Variants in SHOC2 observed in about 807,000 individuals in gnomAD.
The protein encoded by SHOC2 is SHOC2 leucine rich repeat scaffold protein.
Under a neutral mutation model 50.2 loss-of-function variants are expected in SHOC2, and 4 were observed. The ratio of observed to expected loss-of-function variants is 0.08; its 90% CI spans 0.04 to 0.18. The LOEUF (loss-of-function observed/expected upper bound fraction) is 0.18. Ranked by LOEUF, SHOC2 falls within the 10% of genes least tolerant of loss-of-function variation. SHOC2 has a pLI of 1.00. For missense variants in SHOC2, 388 were observed against 669.6 expected, an observed-to-expected ratio of 0.58 and a Z score of 4.64; for synonymous variants, 218 against 244.5, an observed-to-expected ratio of 0.89 and a Z score of 1.01.
rs1848600141 is a variant in SHOC2, at chr10:111,013,205, TGAG to T, written c.*1391_*1393del. ...TGTTGGTCTAAGTCAATTTGATTAT[TGAG>T]GAGTCTCAGAGCAAGGTGCGTTCTA... On this transcript the variant is annotated 3_prime_UTR_variant, in exon 9 of 9. Transcript: ENST00000369452. 1 of 152,216 alleles carries T rather than the reference TGAG, an allele frequency of 6.6e-6. No individual in the cohort carries two copies. Among genetic ancestry groups the T allele is most frequent in the African/African-American group, 2.4e-5 (1 of 41,472 alleles). The allele number at this position is 152,216 out of a possible 1,614,324, so 9.4% of individuals were successfully genotyped here. A position where few individuals can be genotyped will look rare whatever the true frequency, so the allele number is the denominator to read the frequency against.
rs1847916047 is a variant in SHOC2, at chr10:110,978,510, C to T, written c.704-7118C>T. Among the ~76,000 whole-genome samples, 2 of 152,188 alleles carry T rather than the reference C, an allele frequency of 1.3e-5. 1 individual carries two copies. Among genetic ancestry groups the T allele is most frequent in the South Asian group, 4.1e-4 (2 of 4,828 alleles). ...TTAGTTTTGAGATGTGATCTTTACT[C>T]TCCTATGTTATAGCCCTTTTGGAAT... On this transcript the variant is annotated intron_variant, in intron 2 of 8. Coordinates refer to ENST00000369452, the MANE Select transcript of SHOC2 (RefSeq NM_007373.4).
chr10:110,973,154 A>T (rs1847814132), intron 2 of SHOC2, among the ~76,000 whole-genome samples: 1 of 152,340 alleles, frequency 6.6e-6, no homozygotes, highest in South Asian at 2.1e-4. Flanking sequence ...AACTTGTGGG[A>T]CAAGTGTTTC....
chr10:111,006,848 TGA>T (rs1848478229), intron 5 of SHOC2, among the ~76,000 whole-genome samples: 1 of 152,262 alleles, frequency 6.6e-6, no homozygotes, highest in Non-Finnish European at 1.5e-5. Context: ...TTGTTATTGA[TGA>T]AAGTATACTT....
chr10:110,931,674 T>C (rs551709205), intron 1 of SHOC2, among the ~76,000 whole-genome samples: 6 of 152,306 alleles, frequency 3.9e-5, no homozygotes, highest in Non-Finnish European at 8.8e-5. Flanking sequence ...TCATTTATCA[T>C]GTTATTAAAC....
chr10:110,957,534 C>G (rs1364192312), intron 1 of SHOC2, among the ~76,000 whole-genome samples: 2 of 137,868 alleles, frequency 1.5e-5, no homozygotes, highest in East Asian at 2.4e-4. Context: ...ATGAAGATAC[C>G]CCCCCCCCAG....
chr10:110,937,073 T>G (rs1337887844), intron 1 of SHOC2: 1 of 1,474,792 alleles, frequency 6.8e-7, no homozygotes, highest in East Asian at 2.3e-5. Context: ...GAAAGCCAAG[T>G]ACTTCAACTT....
At chr10:110,987,417 C>T (rs73345924) in intron 3 of SHOC2, among the ~76,000 whole-genome samples, 2,857 of 152,104 alleles carry the variant, frequency 0.019, 91 homozygotes, top group African/African-American at 0.063. Flanking sequence ...AATAAATAGC[C>T]GTTAGAATCT....
At chr10:110,965,499 A>G (rs1847655313) in intron 2 of SHOC2, among the ~76,000 whole-genome samples, 1 of 152,180 alleles carries the variant, frequency 6.6e-6, no homozygotes, top group Admixed American at 6.5e-5. Context: ...TACCTAATTT[A>G]CCACAAAAGG....
At chr10:110,938,927 T>G (rs1361685796) in intron 1 of SHOC2, among the ~76,000 whole-genome samples, 2 of 152,230 alleles carry the variant, frequency 1.3e-5, no homozygotes, top group African/African-American at 4.8e-5. Flanking sequence ...TAGTATGTTT[T>G]CTATAAATCT....
At chr10:110,987,910 T>G (rs1179315036) in intron 3 of SHOC2, among the ~76,000 whole-genome samples, 1 of 151,952 alleles carries the variant, frequency 6.6e-6, no homozygotes, top group African/African-American at 2.4e-5. Context: ...CTAGGATAAA[T>G]TAAAAGTCCC....
At chr10:110,987,355 TTAGGTTA>T (rs1403016240) in intron 3 of SHOC2, among the ~76,000 whole-genome samples, 1 of 152,218 alleles carries the variant, frequency 6.6e-6, no homozygotes, top group Non-Finnish European at 1.5e-5. Context: ...GTAGATTGTC[TTAGGTTA>T]TACAGGACAA....
At chr10:110,979,066 C>G (rs1223609473) in intron 2 of SHOC2, among the ~76,000 whole-genome samples, 1 of 152,190 alleles carries the variant, frequency 6.6e-6, no homozygotes, top group Non-Finnish European at 1.5e-5. Context: ...ACTGGACCTT[C>G]TGATTTAGTG....
rs1178089817 is a variant in SHOC2, at chr10:111,000,451, A to G, written c.878A>G (p.Tyr293Cys). 1 of 1,613,634 alleles carries G rather than the reference A, an allele frequency of 6.2e-7. No homozygotes were observed. The highest frequency in any genetic ancestry group is 1.7e-5 in the Admixed American group (1 of 60,030). Residue 293 changes from tyrosine to cysteine, a missense_variant, in exon 4 of 9, where the codon TAT (tyrosine) becomes TGT (cysteine). Tyr to Cys is a radical substitution (Grantham distance 194). This residue lies in a region of SHOC2 where 48 missense variants were observed against 151.6 expected (regional missense o/e 0.32). Transcript: ENST00000369452. ...LSSLSRLGLR[Y>C]NRLSAIPRSL... is the part of the protein sequence containing the mutation. ...AGTTTAAGTCGTCTTGGTCTGAGAT[A>G]TAACAGACTGTCAGCAATACCCAGA...
At chr10:110,987,400 T>C (rs1223719505) in intron 3 of SHOC2, among the ~76,000 whole-genome samples, 1 of 152,274 alleles carries the variant, frequency 6.6e-6, no homozygotes, top group Admixed American at 6.5e-5. Flanking sequence ...AGCTGAGACA[T>C]GGATGTAATA....
At chr10:110,988,851 A>G in intron 3 of SHOC2, 1 of 451,362 alleles carries the variant, frequency 2.2e-6, no homozygotes, top group Non-Finnish European at 4.5e-6. Flanking sequence ...GCATCCCACA[A>G]ATTCTGATAT....
chr10:110,985,612 G>A lies in SHOC2; in HGVS notation c.704-16G>A. Reference sequence around the variant, plus strand: ...TTAATAATGCTTATTGAATTTTTATGTTGGTCAATTTACAGGTGAATTATG... The same window carrying A: ...TTAATAATGCTTATTGAATTTTTATATTGGTCAATTTACAGGTGAATTATG... On this transcript the variant is annotated splice_polypyrimidine_tract_variant and intron_variant, in intron 2 of 8. Transcript: ENST00000369452. 6.3e-7 allele frequency: 1 copy of A among 1,594,034 alleles called. No homozygotes were observed.
intron 3 of SHOC2, among the ~76,000 whole-genome samples, chr10:110,997,474 G>A (rs1267870408): frequency 6.6e-6 from 1 of 151,158 alleles, no homozygotes; most frequent in Non-Finnish European, 1.5e-5. Flanking sequence ...CCCTTTTTTT[G>A]CATGCCTGTT....
chr10:110,981,753 A>G (rs1029621102), intron 2 of SHOC2, among the ~76,000 whole-genome samples: 1 of 152,078 alleles, frequency 6.6e-6, no homozygotes, highest in Admixed American at 6.6e-5. Flanking sequence ...TTGATTTTCA[A>G]ATATTAAACC....
At chr10:111,002,882 T>C (rs548523498) in intron 4 of SHOC2, among the ~76,000 whole-genome samples, 1 of 152,296 alleles carries the variant, frequency 6.6e-6, no homozygotes, top group East Asian at 1.9e-4. Flanking sequence ...ATACTCAGTA[T>C]TAACATTTTA....
Sources: allele counts gnomAD v4.1 joint callset (sites outside exome capture counted in the v4.1 genomes callset), GRCh38; gene constraint gnomAD v4.1.1; regional missense constraint gnomAD v4.1.1; transcripts MANE v1.5; gene names NCBI Gene and HGNC (gene_info 2026-07-23, HGNC 2026-07-21).